Variants in SRRM1 observed in about 807,000 individuals in gnomAD.
SRRM1 encodes the protein serine/arginine repetitive matrix protein 1.
In SRRM1, 19 loss-of-function variants were observed where a neutral mutation model predicts 110.2. That is an observed-to-expected ratio of 0.17 (90% CI 0.12 to 0.25). The LOEUF is 0.25. Ranked by LOEUF, SRRM1 falls within the 10% of genes least tolerant of loss-of-function variation. The probability of loss-of-function intolerance (pLI) is 1.00; values close to 1 mark genes in which losing one functional copy is unlikely to be tolerated. For synonymous variants in SRRM1, 443 were observed against 414.9 expected (o/e 1.07, Z -0.82); for missense variants, 918 against 1,145.8 (o/e 0.80, Z 2.87).
At chr1:24,652,653 A>C in intron 7 of SRRM1, 25 bp downstream of exon 7, 1 of 1,570,386 alleles carries the variant, frequency 6.4e-7, no homozygotes. Context: ...TAAGATCAAC[A>C]AAGATCTTAG....
rs1672035578 is a variant in SRRM1 at position 24,670,218 on chromosome 1, C to T, written c.2303C>T (p.Pro768Leu). Residue 768 changes from proline to leucine, a missense_variant, in exon 15 of 17, where the codon CCA (proline) becomes CTA (leucine). Physicochemically the swap from Pro to Leu is moderately conservative, Grantham distance 98. Transcript: ENST00000323848. The stretch of plus-strand genomic sequence containing the variant: ...GCAGCTAAAAAGCCCCCAGCACCTC[C>T]ATCCCCCGTCCAGTCTCAGTCACCG... ...EPAAKKPPAP[P>L]SPVQSQSPST... 6.2e-7 allele frequency: 1 copy of T among 1,614,064 alleles called. No individual in the cohort carries two copies.
At chr1:24,649,058 G>T (rs374349290) in intron 4 of SRRM1, 29 bp downstream of exon 4, 1 of 1,599,868 alleles carries the variant, frequency 6.3e-7, no homozygotes, top group Non-Finnish European at 8.5e-7. Flanking sequence ...CTGTAATGTC[G>T]ATTTGAGAGT....
intron 12 of SRRM1, 119 bp from the exon 13 acceptor site, chr1:24,666,696 C>T (rs368287175): frequency 4.2e-5 from 29 of 692,818 alleles, no homozygotes; most frequent in South Asian, 2.0e-4. Flanking sequence ...ACCTGGGAGG[C>T]GGAGGTTGCA....
rs1557677618 is a variant in SRRM1, at chr1:24,652,962, CGAA to C, written c.977_979del (p.Arg326del). On this transcript the variant is annotated inframe_deletion, in exon 8 of 17. Coordinates refer to ENST00000323848, the MANE Select transcript of SRRM1 (RefSeq NM_005839.4). ...AAGCCCAAGAAGGCGGCCATCTCCT[CGAA>C]GAAGAACTCCGCCAAGAAGAATGCC... 11 of 1,613,918 alleles carry C rather than the reference CGAA, an allele frequency of 6.8e-6. No individual in the cohort carries two copies. Among genetic ancestry groups the C allele is most frequent in the African/African-American group, 2.7e-5 (2 of 74,996 alleles).
At chr1:24,652,666 T>G (rs1661657120) in intron 7 of SRRM1, 38 bp downstream of exon 7, 1 of 1,531,848 alleles carries the variant, frequency 6.5e-7, no homozygotes, top group South Asian at 1.2e-5. Context: ...GATCTTAGGT[T>G]TTATATACTA....
intron 16 of SRRM1, among the ~76,000 whole-genome samples, 199 bp downstream of exon 16, chr1:24,671,794 C>T (rs1672858500): frequency 1.3e-5 from 2 of 151,176 alleles, no homozygotes; most frequent in African/African-American, 4.9e-5. Context: ...GCGATCCCCA[C>T]ACTTTTTTTT....
intron 3 of SRRM1, chr1:24,647,717 A>T (rs1156705993): frequency 6.6e-6 from 1 of 152,660 alleles, no homozygotes; most frequent in Non-Finnish European, 1.5e-5. Context: ...TTCTAGTTTT[A>T]AAATAATTTG....
At chr1:24,659,429 A>G (rs1006300346) in intron 9 of SRRM1, among the ~76,000 whole-genome samples, 17 of 152,152 alleles carry the variant, frequency 1.1e-4, no homozygotes, top group Non-Finnish European at 2.5e-4. Flanking sequence ...ATCACACAAA[A>G]CAGGTATCAG....
rs1381956175 is a variant in SRRM1 at position 24,669,152 on chromosome 1, C to T, written c.1769C>T (p.Ser590Leu). 6.2e-7 allele frequency: 1 copy of T among 1,611,280 alleles called. No individual in the cohort carries two copies. Among genetic ancestry groups the T allele is most frequent in the Non-Finnish European group, 8.5e-7 (1 of 1,177,640 alleles). Residue 590 changes from serine (S) to leucine (L), a missense_variant, in exon 14 of 17, where the codon TCA becomes TTA. This residue lies in a region of SRRM1 where 357 missense variants were observed against 402.9 expected (regional missense o/e 0.89). Coordinates refer to ENST00000323848, the MANE Select transcript of SRRM1 (RefSeq NM_005839.4). ...RTPSPPPRRR[S>L]PSPRRYSPPI... Reference sequence around the variant, plus strand: ...CCTTCTCCTCCCCCACGTCGGCGCTCACCTTCTCCTAGAAGATACTCTCCT... The same window carrying T: ...CCTTCTCCTCCCCCACGTCGGCGCTTACCTTCTCCTAGAAGATACTCTCCT...
intron 9 of SRRM1, among the ~76,000 whole-genome samples, chr1:24,658,866 A>C (rs1665687289): frequency 6.6e-6 from 1 of 152,164 alleles, no homozygotes; most frequent in African/African-American, 2.4e-5. Flanking sequence ...TACCCAATCC[A>C]GTGATTTGTC....
intron 10 of SRRM1, 143 bp downstream of exon 10, chr1:24,660,942 A>T (rs1666925899): frequency 1.1e-5 from 6 of 555,340 alleles, no homozygotes; most frequent in Non-Finnish European, 1.9e-5. Context: ...GAAGGCAGAC[A>T]GACTTGGGTG....
chr1:24,664,271 C>T (rs1268799235), intron 12 of SRRM1, among the ~76,000 whole-genome samples: 1 of 152,180 alleles, frequency 6.6e-6, no homozygotes, highest in Non-Finnish European at 1.5e-5. Context: ...GTTGGGATTA[C>T]AGGCATGAGC....
At position 24,660,536 on chromosome 1, in the gene SRRM1, A is replaced by G. The variant is rs1229280739; in HGVS notation, c.1316-183A>G. On this transcript the variant is annotated intron_variant, in intron 9 of 16. Transcript: ENST00000323848. The stretch of plus-strand genomic sequence containing the variant: ...ACAGTGGCTTGTGCCTGTAATCCCA[A>G]CACTTTGGGAGGCTCAGGCAGGAGG... 3.9e-5 allele frequency among the ~76,000 whole-genome samples: 6 copies of G among 152,252 alleles called. No individual in the cohort carries two copies. The East Asian group carries it at 1.2e-3, about 29-fold the overall frequency.
chr1:24,657,077 C>G (rs1664542881), intron 9 of SRRM1, among the ~76,000 whole-genome samples: 1 of 152,140 alleles, frequency 6.6e-6, no homozygotes, highest in African/African-American at 2.4e-5. Flanking sequence ...GAAATAACCT[C>G]TCCCCACCAC....
chr1:24,650,710 G>A (rs1369678314), intron 5 of SRRM1: 5 of 152,094 alleles, frequency 3.3e-5, no homozygotes, highest in Admixed American at 2.0e-4. Flanking sequence ...AAAGAGAAGA[G>A]GTAATTTCTT....
intron 15 of SRRM1, 29 bp from the exon 16 acceptor site, chr1:24,671,357 T>A: frequency 6.4e-7 from 1 of 1,555,914 alleles, no homozygotes; most frequent in Non-Finnish European, 8.7e-7. Context: ...TGATTATAAA[T>A]GCTGGGTGTT....
chr1:24,662,522 A>G (rs571558583), intron 11 of SRRM1, 138 bp from the exon 12 acceptor site: 2 of 654,544 alleles, frequency 3.1e-6, no homozygotes, highest in Non-Finnish European at 5.1e-6. Flanking sequence ...ATATATTGAT[A>G]ATGATTCTGT....
At chr1:24,665,686 C>T (rs1247088746) in intron 12 of SRRM1, among the ~76,000 whole-genome samples, 1 of 152,170 alleles carries the variant, frequency 6.6e-6, no homozygotes, top group Non-Finnish European at 1.5e-5. Flanking sequence ...GCACTCCAGC[C>T]TGGGCAACAG....
In SRRM1 at chr1:24,658,335, C is replaced by T. The variant is rs148449912; in HGVS notation, c.1316-2384C>T. ...AAGCAATTCTCCTGCCTCAGCCTCA[C>T]GAGTAGCTGGGATTACAGGCACATG... On this transcript the variant is annotated intron_variant, in intron 9 of 16. Transcript: ENST00000323848. 6.5e-3 allele frequency among the ~76,000 whole-genome samples: 982 copies of T among 151,682 alleles called. 9 individuals are homozygous for T. Among genetic ancestry groups the T allele is most frequent in the African/African-American group, 0.022 (929 of 41,310 alleles).
Sources: gnomAD v4.1 joint callset for allele counts (sites outside exome capture counted in the v4.1 genomes callset) on GRCh38, gnomAD v4.1.1 for gene constraint, gnomAD v4.1.1 regional missense constraint, MANE v1.5 for transcripts, NCBI Gene and HGNC (gene_info 2026-07-23, HGNC 2026-07-21) for gene names.